The following SVEP1 variants were observed in gnomAD, a reference collection of about 807,000 sequenced individuals.
SVEP1 encodes sushi, von Willebrand factor type A, EGF and pentraxin domain containing 1.
A neutral mutation model predicts 367.3 loss-of-function variants in SVEP1; 164 were observed. The ratio of observed to expected loss-of-function variants is 0.45; its 90% CI spans 0.39 to 0.51. The LOEUF is 0.51. Ranked by LOEUF, SVEP1 falls within the 20% of genes least tolerant of loss-of-function variation. The probability of loss-of-function intolerance (pLI) is 0.00; values close to 1 mark genes in which losing one functional copy is unlikely to be tolerated. For missense variants in SVEP1, 4,117 were observed against 4,425.3 expected (o/e 0.93, Z 1.98); for synonymous variants, 1,666 against 1,611.6 (o/e 1.03, Z -0.81).
chr9:110,467,456 A>G (rs1385897666), intron 17 of SVEP1, among the ~76,000 whole-genome samples: 3 of 152,112 alleles, frequency 2.0e-5, no homozygotes, highest in African/African-American at 7.2e-5. Context: ...TCTCTGCCCA[A>G]ATCTCATGTT....
At chr9:110,492,425 G>A (rs762214946) in intron 8 of SVEP1, among the ~76,000 whole-genome samples, 18 of 152,084 alleles carry the variant, frequency 1.2e-4, no homozygotes, top group Admixed American at 2.0e-4. Flanking sequence ...TTACTTGGGC[G>A]AAATGCAATA....
chr9:110,415,318 A>G (rs909976014), intron 36 of SVEP1, among the ~76,000 whole-genome samples: 2 of 151,880 alleles, frequency 1.3e-5, no homozygotes, highest in African/African-American at 4.9e-5. Context: ...TAGGAGGAAA[A>G]CTCGGTGAGA....
intron 5 of SVEP1, among the ~76,000 whole-genome samples, chr9:110,504,655 T>G (rs1412638594): frequency 6.6e-6 from 1 of 152,210 alleles, no homozygotes; most frequent in Non-Finnish European, 1.5e-5. Context: ...ACATTGTTAT[T>G]TGGGTCCCTG....
intron 16 of SVEP1, among the ~76,000 whole-genome samples, chr9:110,469,302 A>T (rs1828982767): frequency 6.6e-6 from 1 of 152,182 alleles, no homozygotes; most frequent in Admixed American, 6.5e-5. Context: ...ACATTCGTTT[A>T]TTTTTTAAAG....
intron 3 of SVEP1, among the ~76,000 whole-genome samples, chr9:110,542,991 TAA>T (rs1564172178): frequency 6.8e-5 from 10 of 147,652 alleles, no homozygotes; most frequent in African/African-American, 2.0e-4. Context: ...TATATATATA[TAA>T]AATAAAAAAA....
chr9:110,550,351 G>A (rs543975619), intron 1 of SVEP1, among the ~76,000 whole-genome samples: 1 of 152,246 alleles, frequency 6.6e-6, no homozygotes, highest in Non-Finnish European at 1.5e-5. Context: ...GATGGAGCTT[G>A]CTAATGAAGT....
chr9:110,413,728 G>T (rs1170858930), intron 36 of SVEP1, among the ~76,000 whole-genome samples: 1 of 151,832 alleles, frequency 6.6e-6, no homozygotes. Context: ...TAGAACAAAA[G>T]ATTAGGATAT....
intron 1 of SVEP1, among the ~76,000 whole-genome samples, chr9:110,563,534 G>A (rs962153687): frequency 3.3e-5 from 5 of 152,142 alleles, no homozygotes; most frequent in Non-Finnish European, 5.9e-5. Flanking sequence ...GCAATTTATA[G>A]GGCCTTTGCA....
intron 2 of SVEP1, among the ~76,000 whole-genome samples, chr9:110,546,657 T>G (rs1225161992): frequency 6.6e-6 from 1 of 152,150 alleles, no homozygotes; most frequent in Non-Finnish European, 1.5e-5. Flanking sequence ...TGCCTCTGGG[T>G]GAGGTCAGGC....
At position 110,432,316 on chromosome 9, in the gene SVEP1, C is replaced by T. The variant is rs537897184; in HGVS notation, c.5233+146G>A. 1.7e-3 allele frequency: 1,787 copies of T among 1,067,654 alleles called. 4 individuals carry two copies. Among genetic ancestry groups the T allele is most frequent in the Non-Finnish European group, 2.0e-3 (1,481 of 756,682 alleles). 66.1% of individuals were successfully genotyped at this position (1,067,654 alleles called of 1,614,324 possible). ...ACATTTCTGGCACCTCTACATACAG[C>T]TGCTTTGTCACTATGGCTTGGCCAG... On this transcript the variant is annotated intron_variant, in intron 31 of 47. Transcript: ENST00000374469.
intron 1 of SVEP1, among the ~76,000 whole-genome samples, chr9:110,569,861 A>T (rs1830533729): frequency 6.6e-6 from 1 of 152,208 alleles, no homozygotes; most frequent in Non-Finnish European, 1.5e-5. Flanking sequence ...TTATTGCTTC[A>T]CCCTTTACAG....
intron 34 of SVEP1, among the ~76,000 whole-genome samples, chr9:110,429,573 A>C (rs1040361802): frequency 1.3e-5 from 2 of 152,000 alleles, no homozygotes; most frequent in Non-Finnish European, 2.9e-5. Context: ...TGTGTCATGG[A>C]TTAGTAACTA....
At chr9:110,397,915 G>T (rs1200871951) in intron 40 of SVEP1, among the ~76,000 whole-genome samples, 3 of 151,790 alleles carry the variant, frequency 2.0e-5, no homozygotes, top group Non-Finnish European at 4.4e-5. Flanking sequence ...TGGCCATGCT[G>T]CCCAAGGTAA....
Position 110,476,354 on chromosome 9 carries a change from T to A in SVEP1, c.2488-39A>T, listed in dbSNP as rs772242595. 8 of 1,469,178 alleles carry A rather than the reference T, an allele frequency of 5.4e-6. No individual in the cohort carries two copies. In the Admixed American group the frequency reaches 8.5e-5, roughly 16 times the overall value. 91.0% of individuals were successfully genotyped at this position (1,469,178 alleles called of 1,614,324 possible). The stretch of plus-strand genomic sequence containing the variant: ...ATGAAGAGGATAAAGTGTAAATCAC[T>A]TTTCTGCATGCCTTGGATAAACACT... On this transcript the variant is annotated intron_variant, in intron 13 of 47. Coordinates refer to ENST00000374469, the MANE Select transcript of SVEP1 (RefSeq NM_153366.4).
intron 1 of SVEP1, among the ~76,000 whole-genome samples, chr9:110,550,799 G>A (rs1330461878): frequency 6.6e-6 from 1 of 152,212 alleles, no homozygotes; most frequent in African/African-American, 2.4e-5. Context: ...TTTAGGACAA[G>A]TGAATTCTGT....
chr9:110,388,850 C>CCCCAGCTACT (rs1827568757), intron 41 of SVEP1, among the ~76,000 whole-genome samples: 1 of 151,620 alleles, frequency 6.6e-6, no homozygotes, highest in Non-Finnish European at 1.5e-5. Flanking sequence ...ATGCCTGTAG[C>CCCCAGCTACT]CCCAGCTACT....
Position 110,435,130 on chromosome 9 carries a change from T to A in SVEP1, c.4888+111A>T, listed in dbSNP as rs1322811626. On this transcript the variant is annotated intron_variant, in intron 29 of 47. Transcript: ENST00000374469. ...GAATTACTAGTTACAAAAAGTAGAT[T>A]GACAGTCACATACGATTGGACCGAT... 4.1e-6 allele frequency: 5 copies of A among 1,221,658 alleles called. No individual in the cohort carries two copies. The East Asian group carries it at 1.4e-4, about 34-fold the overall frequency. The allele number at this position is 1,221,658 out of a possible 1,614,324, so 75.7% of individuals were successfully genotyped here.
intron 27 of SVEP1, among the ~76,000 whole-genome samples, chr9:110,440,459 C>T (rs961478453): frequency 6.6e-6 from 1 of 152,188 alleles, no homozygotes; most frequent in African/African-American, 2.4e-5. Context: ...GTGCTGTCGA[C>T]AATACCAGGC....
intron 40 of SVEP1, among the ~76,000 whole-genome samples, chr9:110,393,329 T>G (rs187760509): frequency 6.6e-6 from 1 of 152,336 alleles, no homozygotes; most frequent in Admixed American, 6.5e-5. Flanking sequence ...ACCTATCATA[T>G]GATAATTCTT....
Sources: gnomAD v4.1 joint callset for allele counts (sites outside exome capture counted in the v4.1 genomes callset) on GRCh38, gnomAD v4.1.1 for gene constraint, MANE v1.5 for transcripts, NCBI Gene and HGNC (gene_info 2026-07-23, HGNC 2026-07-21) for gene names.